ENPP2: variants seen among roughly 807,000 people sequenced by gnomAD.
ENPP2 encodes the protein ectonucleotide pyrophosphatase/phosphodiesterase 2.
Under a neutral mutation model 120.2 loss-of-function variants are expected in ENPP2, and 51 were observed. That is an observed-to-expected ratio of 0.42 (90% CI 0.34 to 0.54). The LOEUF is 0.54. Among genes scored for constraint, ENPP2 ranks in the 20% least tolerant of loss-of-function variants. ENPP2 has a pLI of 0.04. For synonymous variants in ENPP2, 365 were observed against 366.4 expected (o/e 1.00, Z 0.04); for missense variants, 920 against 1,066.5 (o/e 0.86, Z 1.91).
At position 119,634,141 on chromosome 8, in the gene ENPP2, C is replaced by G. The variant is rs148137101; in HGVS notation, c.136+4284G>C. On this transcript the variant is annotated intron_variant, in intron 2 of 24. Coordinates refer to ENST00000075322, the MANE Select transcript of ENPP2 (RefSeq NM_001040092.3). ...GAGGTTGCAGTTAGCTGAGATCACGCCACTGCACTCCAGTCTGGGTGACAG... is the reference window on the plus strand; with the variant it reads ...GAGGTTGCAGTTAGCTGAGATCACGGCACTGCACTCCAGTCTGGGTGACAG... Among the ~76,000 whole-genome samples, 3 of 152,008 alleles carry G rather than the reference C, an allele frequency of 2.0e-5. No homozygotes were observed. The East Asian group carries it at 5.8e-4, about 29-fold the overall frequency.
chr8:119,580,018 A>T, intron 19 of ENPP2, 98 bp downstream of exon 19: 2 of 832,828 alleles, frequency 2.4e-6, no homozygotes, highest in Non-Finnish European at 4.1e-6. Context: ...TTCTAATTTT[A>T]AACAATATTG....
chr8:119,560,983 A>G (rs1813881014), intron 24 of ENPP2, among the ~76,000 whole-genome samples: 1 of 152,232 alleles, frequency 6.6e-6, no homozygotes, highest in African/African-American at 2.4e-5. Flanking sequence ...CATGTACTCA[A>G]TAAATGGTAA....
At chr8:119,667,811 C>G (rs1206355283) in intron 1 of ENPP2, among the ~76,000 whole-genome samples, 1 of 152,204 alleles carries the variant, frequency 6.6e-6, no homozygotes, top group Non-Finnish European at 1.5e-5. Context: ...GCTTCATTGG[C>G]TCCCCATTTT....
intron 1 of ENPP2, among the ~76,000 whole-genome samples, chr8:119,647,570 C>T (rs978959168): frequency 6.6e-6 from 1 of 152,156 alleles, no homozygotes; most frequent in African/African-American, 2.4e-5. Context: ...AACATTAAAA[C>T]TTTGTTTCCA....
At chr8:119,585,615 GT>G (rs1343191636) in intron 15 of ENPP2, among the ~76,000 whole-genome samples, 1 of 152,178 alleles carries the variant, frequency 6.6e-6, no homozygotes, top group East Asian at 1.9e-4. Context: ...ATTGGAAGTT[GT>G]TAGAGCCTCC....
chr8:119,600,892 A>G (rs774203280), intron 10 of ENPP2, 142 bp from the exon 11 acceptor site: 38 of 585,866 alleles, frequency 6.5e-5, no homozygotes, highest in Admixed American at 1.3e-4. Context: ...AGCATGAAAA[A>G]CTTTTTTTTT....
In ENPP2 at chr8:119,586,245, G is replaced by T. The variant is rs776578191; in HGVS notation, c.1308C>A (p.Ala436=). ...GGATATCCTCAATTCTTCTGTTGTT[G>T]GCATAGTGCAAACGTTTGGGAAGGT... ...KQHLPKRLHY[A]NNRRIEDIHL... Residue 436 remains alanine (A), a synonymous_variant, in exon 15 of 25, where the codon GCC becomes GCA. Transcript: ENST00000075322. The T allele has an allele frequency of 6.2e-7, 1 of 1,613,652 alleles. No individual in the cohort carries two copies. The highest frequency in any genetic ancestry group is 2.2e-5 in the East Asian group (1 of 44,856).
At chr8:119,620,063 T>A (rs781051805) in intron 4 of ENPP2, among the ~76,000 whole-genome samples, 1 of 152,332 alleles carries the variant, frequency 6.6e-6, no homozygotes, top group South Asian at 2.1e-4. Context: ...GGAAATCTTC[T>A]CTGGTCAATA....
intron 2 of ENPP2, among the ~76,000 whole-genome samples, chr8:119,630,377 G>A (rs925747471): frequency 6.6e-6 from 1 of 152,026 alleles, no homozygotes; most frequent in African/African-American, 2.4e-5. Context: ...CAAAGTGCTG[G>A]GGTTACAGGC....
intron 8 of ENPP2, among the ~76,000 whole-genome samples, chr8:119,614,083 T>C (rs1433114547): frequency 6.7e-6 from 1 of 149,472 alleles, no homozygotes; most frequent in African/African-American, 2.5e-5. Flanking sequence ...TTTTTTTTTT[T>C]TGAGATGGAG....
At chr8:119,633,556 C>T (rs1816810665) in intron 2 of ENPP2, among the ~76,000 whole-genome samples, 1 of 151,818 alleles carries the variant, frequency 6.6e-6, no homozygotes, top group African/African-American at 2.4e-5. Flanking sequence ...GCGTGGCATT[C>T]AAGATGCTGC....
In ENPP2 at chr8:119,600,647, A is replaced by G. The variant is rs768294181; in HGVS notation, c.972+31T>C. 6 of 1,438,044 alleles carry G rather than the reference A, an allele frequency of 4.2e-6. No individual in the cohort carries two copies. In the East Asian group the frequency reaches 1.4e-4, roughly 33 times the overall value. 89.1% of individuals were successfully genotyped at this position (1,438,044 alleles called of 1,614,324 possible). ...TAGATCAGGTAGCCCAGGGCCACAG[A>G]TTCTTCTCAGGCAGATGCTAAACCA... On this transcript the variant is annotated intron_variant, in intron 11 of 24. Transcript: ENST00000075322.
chr8:119,638,115 AACACCTGTTCTCACC>A (rs1261529350), intron 2 of ENPP2, among the ~76,000 whole-genome samples: 3 of 152,208 alleles, frequency 2.0e-5, no homozygotes, highest in African/African-American at 7.2e-5. Flanking sequence ...ATATTAAACC[AACACCTGTTCTCACC>A]ACTTCTACTT....
At chr8:119,563,761 A>G (rs745395652) in intron 23 of ENPP2, among the ~76,000 whole-genome samples, 11 of 152,148 alleles carry the variant, frequency 7.2e-5, no homozygotes, top group African/African-American at 1.2e-4. Flanking sequence ...AGTGATCAGC[A>G]ATAAAATAAA....
intron 1 of ENPP2, among the ~76,000 whole-genome samples, chr8:119,660,173 C>A (rs1817880601): frequency 6.6e-6 from 1 of 152,164 alleles, no homozygotes; most frequent in South Asian, 2.1e-4. Context: ...GGTTAACAAC[C>A]TTTCCACACT....
At chr8:119,598,935 A>T (rs141176138) in intron 11 of ENPP2, among the ~76,000 whole-genome samples, 33 of 152,276 alleles carry the variant, frequency 2.2e-4, no homozygotes, top group Non-Finnish European at 4.1e-4. Context: ...CCTACCCCAC[A>T]GGTTCTTTGA....
At position 119,570,677 on chromosome 8, in the gene ENPP2, A is replaced by C. The variant is rs778346317; in HGVS notation, c.1917+28T>G. 8.2e-6 allele frequency: 11 copies of C among 1,342,812 alleles called. 1 individual carries two copies. The South Asian group carries it at 1.2e-4, about 14-fold the overall frequency. The allele number at this position is 1,342,812 out of a possible 1,614,324, so 83.2% of individuals were successfully genotyped here. Reference sequence around the variant, plus strand: ...AACATGAGGAATGTAATAAAATAAAAAATATAAAATCCAATTTTCTCAATG... The same window carrying C: ...AACATGAGGAATGTAATAAAATAAACAATATAAAATCCAATTTTCTCAATG... On this transcript the variant is annotated intron_variant, in intron 20 of 24. Transcript: ENST00000075322.
At chr8:119,612,094 C>T (rs542742830) in intron 8 of ENPP2, among the ~76,000 whole-genome samples, 1 of 152,168 alleles carries the variant, frequency 6.6e-6, no homozygotes, top group Admixed American at 6.5e-5. Context: ...GCCCAAAGGA[C>T]AGTCACTTTG....
chr8:119,627,847 G>A (rs1297091560), intron 2 of ENPP2, among the ~76,000 whole-genome samples: 2 of 140,418 alleles, frequency 1.4e-5, no homozygotes, highest in African/African-American at 2.7e-5. Flanking sequence ...GGGTAACAGA[G>A]TGAAACTCCG....
Sources: allele counts gnomAD v4.1 joint callset (sites outside exome capture counted in the v4.1 genomes callset), GRCh38; gene constraint gnomAD v4.1.1; transcripts MANE v1.5; gene names NCBI Gene and HGNC (gene_info 2026-07-23, HGNC 2026-07-21).